MAP1LC3B2: variants seen among roughly 807,000 people sequenced by gnomAD.
MAP1LC3B2 encodes the protein microtubule-associated protein 1 light chain 3 beta 2.
For synonymous variants in MAP1LC3B2, 62 were observed against 57.8 expected (o/e 1.07, Z -0.33); for missense variants, 155 against 154.6 (o/e 1.00, Z -0.01).
intron 1 of MAP1LC3B2, among the ~76,000 whole-genome samples, chr12:116,565,580 C>T (rs900366210): frequency 3.3e-5 from 5 of 152,162 alleles, no homozygotes. Flanking sequence ...CAAACCATAT[C>T]ACGGGAGAAC....
chr12:116,565,181 C>G (rs985652899), intron 1 of MAP1LC3B2, among the ~76,000 whole-genome samples: 1 of 152,216 alleles, frequency 6.6e-6, no homozygotes, highest in Non-Finnish European at 1.5e-5. Flanking sequence ...ACAGAGACCA[C>G]AGAAACTCTG....
chr12:116,561,505 C>T (rs767555293), intron 1 of MAP1LC3B2, among the ~76,000 whole-genome samples: 2 of 152,196 alleles, frequency 1.3e-5, no homozygotes, highest in Non-Finnish European at 2.9e-5. Context: ...ATCTTGTTTG[C>T]GTGGACACCG....
At position 116,562,184 on chromosome 12, in the gene MAP1LC3B2, G is replaced by A. The variant is rs189259746; in HGVS notation, c.-102+2751G>A. ...CATCTCTGCTGCTACCTAGGGAGAG[G>A]CTGCCTGAGACCGATGCCAAAACCC... On this transcript the variant is annotated intron_variant, in intron 1 of 1. Transcript: ENST00000556529. Among the ~76,000 whole-genome samples, 34 of 152,316 alleles carry A rather than the reference G, an allele frequency of 2.2e-4. No homozygotes were observed. In the East Asian group the frequency reaches 6.4e-3, roughly 29 times the overall value.
chr12:116,575,859 C>A lies in MAP1LC3B2; in HGVS notation c.-84C>A. On this transcript the variant is annotated 5_prime_UTR_variant, in exon 2 of 2. Transcript: ENST00000556529. ...AAAAATAGCCTTACACGGCCACAGT[C>A]GGATTCGCTGCCGCAGCAGCCGCCA... 6.5e-7 allele frequency: 1 copy of A among 1,540,686 alleles called. No individual in the cohort carries two copies. The highest frequency in any genetic ancestry group is 8.9e-7 in the Non-Finnish European group (1 of 1,118,622).
At chr12:116,573,830 A>G (rs1369431469) in intron 1 of MAP1LC3B2, among the ~76,000 whole-genome samples, 1 of 152,226 alleles carries the variant, frequency 6.6e-6, no homozygotes, top group Non-Finnish European at 1.5e-5. Flanking sequence ...TTATAAGACA[A>G]TCTTACAAAA....
intron 1 of MAP1LC3B2, among the ~76,000 whole-genome samples, chr12:116,564,712 A>C (rs1869347036): frequency 6.6e-6 from 1 of 152,216 alleles, no homozygotes. Flanking sequence ...GATTTCTGGC[A>C]CTATGTGTCC....
chr12:116,573,593 T>C (rs933628792), intron 1 of MAP1LC3B2, among the ~76,000 whole-genome samples: 4 of 151,910 alleles, frequency 2.6e-5, no homozygotes, highest in Non-Finnish European at 4.4e-5. Flanking sequence ...CTCGGCTCAC[T>C]GCAACCTCTG....
intron 1 of MAP1LC3B2, 75 bp from the exon 2 acceptor site, chr12:116,575,767 T>C (rs1459649321): frequency 1.5e-6 from 1 of 672,512 alleles, no homozygotes; most frequent in Non-Finnish European, 2.5e-6. Flanking sequence ...ATAGTAAATA[T>C]ATGATGGTGT....
At chr12:116,573,136 C>G (rs1203307612) in intron 1 of MAP1LC3B2, among the ~76,000 whole-genome samples, 5 of 152,180 alleles carry the variant, frequency 3.3e-5, no homozygotes, top group Non-Finnish European at 7.3e-5. Context: ...GTTGTCCAGG[C>G]TGTTCTCAAA....
In MAP1LC3B2 at chr12:116,566,159, C is replaced by T. The variant is rs116542985; in HGVS notation, c.-102+6726C>T. ...CCTGCCAATGTTCAAGGAAGATTTC[C>T]AGAGAATAAAACTTGCTTGGGGGTG... On this transcript the variant is annotated intron_variant, in intron 1 of 1. Transcript: ENST00000556529. Among the ~76,000 whole-genome samples the T allele has an allele frequency of 6.3e-3, 961 of 152,264 alleles. 13 individuals are homozygous for T. The highest frequency in any genetic ancestry group is 0.022 in the African/African-American group (897 of 41,540).
At chr12:116,575,036 C>T (rs542495204) in intron 1 of MAP1LC3B2, among the ~76,000 whole-genome samples, 9 of 151,928 alleles carry the variant, frequency 5.9e-5, no homozygotes, top group South Asian at 2.1e-4. Context: ...AAAAATTATC[C>T]GGGCTTGGTG....
intron 1 of MAP1LC3B2, among the ~76,000 whole-genome samples, chr12:116,568,280 T>G (rs548754258): frequency 6.6e-6 from 1 of 152,334 alleles, no homozygotes; most frequent in East Asian, 1.9e-4. Flanking sequence ...CAATTTGGCA[T>G]ATCTTTTCAA....
chr12:116,566,792 G>T (rs1032792476), intron 1 of MAP1LC3B2, among the ~76,000 whole-genome samples: 1 of 150,408 alleles, frequency 6.6e-6, no homozygotes, highest in Non-Finnish European at 1.5e-5. Flanking sequence ...TGTGCTGGGC[G>T]TGGTGGTGGG....
At chr12:116,570,569 TAGTG>T (rs766724228) in intron 1 of MAP1LC3B2, among the ~76,000 whole-genome samples, 58 of 152,320 alleles carry the variant, frequency 3.8e-4, no homozygotes, top group Non-Finnish European at 4.6e-4. Context: ...GTTCTGGTGG[TAGTG>T]AGTAAGTCTC....
At chr12:116,567,738 ACT>A (rs1345362331) in intron 1 of MAP1LC3B2, among the ~76,000 whole-genome samples, 1 of 151,360 alleles carries the variant, frequency 6.6e-6, no homozygotes, top group Non-Finnish European at 1.5e-5. Context: ...ACAGAGTGAG[ACT>A]CTGTCTAAAA....
chr12:116,574,471 C>T (rs1273926635), intron 1 of MAP1LC3B2, among the ~76,000 whole-genome samples: 1 of 151,898 alleles, frequency 6.6e-6, no homozygotes, highest in Non-Finnish European at 1.5e-5. Flanking sequence ...CAAAACTCCA[C>T]TTCTACAAAA....
At chr12:116,570,607 G>A (rs988488049) in intron 1 of MAP1LC3B2, among the ~76,000 whole-genome samples, 7 of 152,134 alleles carry the variant, frequency 4.6e-5, no homozygotes, top group African/African-American at 9.7e-5. Flanking sequence ...GTTTTATAAG[G>A]GGTTCCCCCT....
intron 1 of MAP1LC3B2, among the ~76,000 whole-genome samples, chr12:116,562,927 GTAT>G (rs1869306915): frequency 6.6e-6 from 1 of 152,034 alleles, no homozygotes; most frequent in Non-Finnish European, 1.5e-5. Flanking sequence ...TTTTCACCCT[GTAT>G]TATTTTTGCT....
At chr12:116,568,153 T>C (rs1393067059) in intron 1 of MAP1LC3B2, among the ~76,000 whole-genome samples, 2 of 152,234 alleles carry the variant, frequency 1.3e-5, no homozygotes, top group African/African-American at 4.8e-5. Context: ...CTGGCAATTG[T>C]CTCTGATCCT....
Sources: allele counts gnomAD v4.1 joint callset (sites outside exome capture counted in the v4.1 genomes callset), GRCh38; gene constraint gnomAD v4.1.1; transcripts MANE v1.5; gene names NCBI Gene and HGNC (gene_info 2026-07-23, HGNC 2026-07-21).